Variants in NIBAN1 observed in about 807,000 individuals in gnomAD.
The protein encoded by NIBAN1 is niban apoptosis regulator 1.
Under a neutral mutation model 75.1 loss-of-function variants are expected in NIBAN1, and 81 were observed. That is an observed-to-expected ratio of 1.08 (90% CI 0.90 to 1.30). The LOEUF (loss-of-function observed/expected upper bound fraction) is 1.30, where lower values mean the gene tolerates loss of function less well. Among genes scored for constraint, NIBAN1 ranks in the 50% most tolerant of loss-of-function variants. The probability of loss-of-function intolerance (pLI) is 0.00; values close to 1 mark genes in which losing one functional copy is unlikely to be tolerated. For synonymous variants in NIBAN1, 436 were observed against 424.8 expected (o/e 1.03, Z -0.32); for missense variants, 1,133 against 1,128.1 (o/e 1.00, Z -0.06).
intron 6 of NIBAN1, among the ~76,000 whole-genome samples, chr1:184,824,517 C>T (rs563094742): frequency 6.6e-5 from 10 of 151,872 alleles, no homozygotes; most frequent in African/African-American, 1.2e-4. Context: ...AGAGAAGGTA[C>T]GCAGAAGGAA....
At chr1:184,859,216 G>A (rs1655754031) in intron 5 of NIBAN1, among the ~76,000 whole-genome samples, 1 of 151,694 alleles carries the variant, frequency 6.6e-6, no homozygotes, top group African/African-American at 2.4e-5. Context: ...ATATATATAT[G>A]AGGTTTTAAA....
intron 5 of NIBAN1, among the ~76,000 whole-genome samples, chr1:184,837,507 T>C (rs1655172367): frequency 6.6e-6 from 1 of 152,158 alleles, no homozygotes; most frequent in Admixed American, 6.5e-5. Context: ...GGCTCTGGCA[T>C]GTTGTAAGTG....
In NIBAN1 at chr1:184,910,294, T is replaced by C. The variant is rs144254062; in HGVS notation, c.56-10985A>G. ...TTCATTTGGATGGTAGCAGGTAGCA[T>C]AGACATACCAATGCCAGTCACATTC... On this transcript the variant is annotated intron_variant, in intron 1 of 13. Coordinates refer to ENST00000367511, the MANE Select transcript of NIBAN1 (RefSeq NM_052966.4). 7.0e-4 allele frequency among the ~76,000 whole-genome samples: 106 copies of C among 152,252 alleles called. 1 individual carries two copies. In the East Asian group the frequency reaches 0.019, roughly 27 times the overall value.
At chr1:184,831,298 G>GT (rs1214140922) in intron 6 of NIBAN1, among the ~76,000 whole-genome samples, 2 of 152,146 alleles carry the variant, frequency 1.3e-5, no homozygotes, top group South Asian at 2.1e-4. Context: ...TTTTGAATTT[G>GT]TTTTTTTCAT....
intron 1 of NIBAN1, among the ~76,000 whole-genome samples, chr1:184,902,238 T>TA (rs966409989): frequency 9.9e-5 from 15 of 151,174 alleles, no homozygotes; most frequent in African/African-American, 2.4e-4. Flanking sequence ...ACCTCTAATT[T>TA]AAAAAAAAAT....
At chr1:184,803,258 TAG>T (rs1187966436) in intron 12 of NIBAN1, among the ~76,000 whole-genome samples, 1 of 152,228 alleles carries the variant, frequency 6.6e-6, no homozygotes, top group Non-Finnish European at 1.5e-5. Flanking sequence ...TGTCAACCCC[TAG>T]TTTGGCTCAA....
intron 1 of NIBAN1, among the ~76,000 whole-genome samples, chr1:184,966,269 C>T (rs1439331425): frequency 6.6e-6 from 1 of 152,196 alleles, no homozygotes; most frequent in Non-Finnish European, 1.5e-5. Flanking sequence ...CACAAGAAGT[C>T]CTAGAAGCTT....
chr1:184,848,416 C>A, intron 5 of NIBAN1, among the ~76,000 whole-genome samples: 1 of 32,846 alleles, frequency 3.0e-5, no homozygotes, highest in East Asian at 6.0e-4. Context: ...TAAAGATGTT[C>A]TTTGAAACCA....
At chr1:184,953,334 G>A (rs1042055470) in intron 1 of NIBAN1, among the ~76,000 whole-genome samples, 1 of 152,140 alleles carries the variant, frequency 6.6e-6, no homozygotes, top group Non-Finnish European at 1.5e-5. Context: ...AATCAAGAAA[G>A]CTACACAGTT....
chr1:184,931,478 T>A (rs1657821604), intron 1 of NIBAN1, among the ~76,000 whole-genome samples: 3 of 152,238 alleles, frequency 2.0e-5, no homozygotes, highest in African/African-American at 7.2e-5. Context: ...CCATTTTATA[T>A]GTCTTTACAT....
intron 1 of NIBAN1, among the ~76,000 whole-genome samples, chr1:184,917,351 G>A (rs1323224626): frequency 2.1e-5 from 3 of 142,552 alleles, no homozygotes; most frequent in South Asian, 2.2e-4. Context: ...ACAGACACCC[G>A]CCACCACGCC....
chr1:184,845,018 C>G (rs1187323663), intron 5 of NIBAN1, among the ~76,000 whole-genome samples: 3 of 152,326 alleles, frequency 2.0e-5, no homozygotes, highest in Admixed American at 2.0e-4. Flanking sequence ...CATTCCTGAC[C>G]TATTACAAGA....
At chr1:184,838,628 C>G (rs1655201375) in intron 5 of NIBAN1, among the ~76,000 whole-genome samples, 1 of 152,150 alleles carries the variant, frequency 6.6e-6, no homozygotes, top group Non-Finnish European at 1.5e-5. Flanking sequence ...CTTCTCTAGG[C>G]CTCTTGGGGA....
intron 2 of NIBAN1, among the ~76,000 whole-genome samples, chr1:184,898,091 C>T (rs1470931737): frequency 1.3e-5 from 2 of 152,340 alleles, no homozygotes; most frequent in South Asian, 2.1e-4. Flanking sequence ...CACAGGTTGA[C>T]ATGATGTGCT....
intron 3 of NIBAN1, among the ~76,000 whole-genome samples, chr1:184,892,317 C>A (rs1656688728): frequency 1.3e-5 from 2 of 152,094 alleles, no homozygotes; most frequent in South Asian, 4.1e-4. Flanking sequence ...AAAACTGAGG[C>A]TCAAGATTTA....
At chr1:184,880,006 T>C (rs1156238926) in intron 5 of NIBAN1, among the ~76,000 whole-genome samples, 1 of 152,238 alleles carries the variant, frequency 6.6e-6, no homozygotes, top group African/African-American at 2.4e-5. Context: ...GCTTCCCAGA[T>C]AGTCTACTGT....
intron 1 of NIBAN1, among the ~76,000 whole-genome samples, chr1:184,969,771 A>G (rs1658887707): frequency 6.6e-6 from 1 of 151,598 alleles, no homozygotes; most frequent in Non-Finnish European, 1.5e-5. Context: ...GGCTCAGGCA[A>G]TCCTACTGCT....
chr1:184,937,892 C>G (rs949823438), intron 1 of NIBAN1, among the ~76,000 whole-genome samples: 5 of 152,234 alleles, frequency 3.3e-5, no homozygotes, highest in Admixed American at 2.6e-4. Context: ...TGACCCACTG[C>G]AGGTGCAAGG....
At position 184,801,648 on chromosome 1, in the gene NIBAN1, C is replaced by T. The variant is rs545259819; in HGVS notation, c.1554+1937G>A. Among the ~76,000 whole-genome samples the T allele has an allele frequency of 1.7e-4, 26 of 152,304 alleles. 1 individual carries two copies. In the South Asian group the frequency reaches 5.4e-3, roughly 32 times the overall value. On this transcript the variant is annotated intron_variant, in intron 12 of 13. Coordinates refer to ENST00000367511, the MANE Select transcript of NIBAN1 (RefSeq NM_052966.4). ...TTCCTTGGAACTCTTCCCCATGAGG[C>T]AACTGCTGTGTTCCTCACATGGCAT...
Sources: allele counts gnomAD v4.1 joint callset (sites outside exome capture counted in the v4.1 genomes callset), GRCh38; gene constraint gnomAD v4.1.1; transcripts MANE v1.5; gene names NCBI Gene and HGNC (gene_info 2026-07-23, HGNC 2026-07-21).